MYO9A: variants seen among roughly 807,000 people sequenced by gnomAD.
MYO9A encodes the protein myosin IXA, also known as unconventional myosin-IXa.
Under a neutral mutation model 293.3 loss-of-function variants are expected in MYO9A, and 103 were observed. The observed-to-expected ratio is 0.35, with a 90% confidence interval of 0.30 to 0.41. The LOEUF (loss-of-function observed/expected upper bound fraction) is 0.41. Among genes scored for constraint, MYO9A ranks in the 10% least tolerant of loss-of-function variants. The pLI is 1.00. For synonymous variants in MYO9A, 1,001 were observed against 1,035.7 expected (o/e 0.97, Z 0.64); for missense variants, 2,685 against 3,033.0 (o/e 0.89, Z 2.69).
intron 1 of MYO9A, among the ~76,000 whole-genome samples, chr15:72,093,975 T>A (rs2079999751): frequency 1.1e-5 from 1 of 87,016 alleles, no homozygotes; most frequent in African/African-American, 2.7e-5. Context: ...TCTGAAGAAA[T>A]CACCCACAGT....
At chr15:72,041,126 T>C (rs1475653467) in intron 2 of MYO9A, 7 of 638,990 alleles carry the variant, frequency 1.1e-5, no homozygotes, top group Non-Finnish European at 1.7e-5. Flanking sequence ...ATGCCTATAA[T>C]CCCACCTATT....
chr15:71,862,968 C>T (rs1276561350), intron 32 of MYO9A, among the ~76,000 whole-genome samples: 1 of 146,286 alleles, frequency 6.8e-6, no homozygotes, highest in Admixed American at 6.9e-5. Flanking sequence ...TGCTATGTTG[C>T]CCAGGCTGGA....
At chr15:71,960,656 G>A (rs1353779544) in intron 13 of MYO9A, among the ~76,000 whole-genome samples, 1 of 152,170 alleles carries the variant, frequency 6.6e-6, no homozygotes, top group African/African-American at 2.4e-5. Flanking sequence ...TAACTGGACC[G>A]GGTATCTTCT....
At position 71,826,272 on chromosome 15, in the gene MYO9A, G is replaced by A. The variant is rs974996040; in HGVS notation, c.*308C>T. The A allele has an allele frequency of 7.0e-6, 2 of 287,104 alleles. No homozygotes were observed. Among genetic ancestry groups the A allele is most frequent in the Non-Finnish European group, 1.3e-5 (2 of 154,508 alleles). 17.8% of individuals were successfully genotyped at this position (287,104 alleles called of 1,614,324 possible). A position where few individuals can be genotyped will look rare whatever the true frequency, so the allele number is the denominator to read the frequency against. ...CCCCCCTAGTTCAACACCCACCTTT[G>A]GGAAGGGAAAAGAGGGTGGGGGAGA... is the stretch of plus-strand genomic sequence containing the variant. On this transcript the variant is annotated 3_prime_UTR_variant, in exon 42 of 42. Transcript: ENST00000356056.
At chr15:71,974,194 A>G (rs2076081942) in intron 12 of MYO9A, among the ~76,000 whole-genome samples, 1 of 152,228 alleles carries the variant, frequency 6.6e-6, no homozygotes. Context: ...CACATTGTAC[A>G]GCCTACCATG....
chr15:71,964,387 C>T (rs948124157), intron 13 of MYO9A, among the ~76,000 whole-genome samples: 4 of 152,074 alleles, frequency 2.6e-5, no homozygotes, highest in African/African-American at 9.7e-5. Flanking sequence ...TGGCTCACAC[C>T]TGTAATCCCA....
intron 11 of MYO9A, among the ~76,000 whole-genome samples, chr15:71,983,449 A>C (rs912124151): frequency 9.4e-5 from 13 of 138,032 alleles, no homozygotes; most frequent in African/African-American, 3.4e-4. Context: ...AACATTAAAT[A>C]GTTTTTTATT....
intron 28 of MYO9A, among the ~76,000 whole-genome samples, chr15:71,882,187 G>A (rs1240715687): frequency 6.6e-6 from 1 of 152,058 alleles, no homozygotes; most frequent in African/African-American, 2.4e-5. Context: ...CCTGCCTTAA[G>A]CTTTCTTCCG....
At chr15:71,999,377 T>C (rs928799544) in intron 9 of MYO9A, among the ~76,000 whole-genome samples, 4 of 151,640 alleles carry the variant, frequency 2.6e-5, no homozygotes, top group East Asian at 1.9e-4. Context: ...ATGAAGAATA[T>C]AGAGAAGAAG....
At chr15:71,933,276 C>G (rs1440662412) in intron 18 of MYO9A, among the ~76,000 whole-genome samples, 2 of 151,982 alleles carry the variant, frequency 1.3e-5, no homozygotes, top group African/African-American at 4.8e-5. Context: ...TATAGAAAAA[C>G]CTGGCAAACA....
At chr15:71,961,939 G>T (rs962081515) in intron 13 of MYO9A, among the ~76,000 whole-genome samples, 6 of 152,090 alleles carry the variant, frequency 3.9e-5, no homozygotes, top group African/African-American at 1.4e-4. Flanking sequence ...GCCCAGGCTG[G>T]TCTTGAACTC....
At chr15:71,835,490 AAGC>A (rs1489639430) in intron 39 of MYO9A, among the ~76,000 whole-genome samples, 5 of 152,314 alleles carry the variant, frequency 3.3e-5, no homozygotes, top group Admixed American at 3.3e-4. Context: ...TTTATACAAT[AAGC>A]AACAGAAAAT....
Position 71,862,595 on chromosome 15 carries a change from C to T in MYO9A, c.5996G>A (p.Gly1999Asp). ...ATATTGGGTGGCTTTAAAGATGTGA[C>T]CATTGTGTTCTTCCACCTGAATGAA... ...KETDLVEEHN[G>D]HIFKATQYSI... Residue 1999 changes from glycine (G) to aspartate (D), a missense_variant, in exon 33 of 42, where the codon GGT becomes GAT. Transcript: ENST00000356056. 1 of 1,610,286 alleles carries T rather than the reference C, an allele frequency of 6.2e-7. No homozygotes were observed. The highest frequency in any genetic ancestry group is 8.5e-7 in the Non-Finnish European group (1 of 1,176,938).
intron 1 of MYO9A, among the ~76,000 whole-genome samples, chr15:72,059,731 T>G (rs890935303): frequency 5.3e-5 from 8 of 152,166 alleles, no homozygotes; most frequent in Non-Finnish European, 1.2e-4. Context: ...CAAACCAGAG[T>G]ACTCTTACTG....
intron 5 of MYO9A, 121 bp from the exon 6 acceptor site, chr15:72,019,216 G>A: frequency 2.6e-6 from 2 of 773,402 alleles, no homozygotes; most frequent in Non-Finnish European, 4.5e-6. Context: ...TTGCATAGCA[G>A]CATAAAACAA....
chr15:72,107,377 T>C (rs529332390), intron 1 of MYO9A, among the ~76,000 whole-genome samples: 26 of 152,192 alleles, frequency 1.7e-4, no homozygotes, highest in Middle Eastern at 3.4e-3. Flanking sequence ...GGTGAAACCC[T>C]GTCTCTACTA....
At chr15:71,980,389 T>C (rs1275243137) in intron 11 of MYO9A, among the ~76,000 whole-genome samples, 1 of 152,206 alleles carries the variant, frequency 6.6e-6, no homozygotes, top group Non-Finnish European at 1.5e-5. Flanking sequence ...TCGTATTGTC[T>C]GTCTTTTTCA....
At chr15:72,031,825 T>C (rs2077880681) in intron 3 of MYO9A, among the ~76,000 whole-genome samples, 2 of 152,014 alleles carry the variant, frequency 1.3e-5, no homozygotes, top group Non-Finnish European at 1.5e-5. Context: ...TGTAACAAAA[T>C]TAAATTTCTC....
intron 36 of MYO9A, among the ~76,000 whole-genome samples, chr15:71,851,591 C>G (rs2055650713): frequency 6.6e-6 from 1 of 152,108 alleles, no homozygotes; most frequent in Non-Finnish European, 1.5e-5. Context: ...TTAATAACAG[C>G]AAGGGGATAG....
Sources: allele counts gnomAD v4.1 joint callset (sites outside exome capture counted in the v4.1 genomes callset), GRCh38; gene constraint gnomAD v4.1.1; transcripts MANE v1.5; gene names NCBI Gene and HGNC (gene_info 2026-07-23, HGNC 2026-07-21).